DIP2C: variants seen among roughly 807,000 people sequenced by gnomAD.
DIP2C encodes the protein disco-interacting protein 2 homolog C.
A neutral mutation model predicts 192.4 loss-of-function variants in DIP2C; 33 were observed. That is an observed-to-expected ratio of 0.17 (90% CI 0.13 to 0.23). The LOEUF (loss-of-function observed/expected upper bound fraction) is 0.23, where lower values mean the gene tolerates loss of function less well. DIP2C is among the 10% of genes least tolerant of loss of function. The probability of loss-of-function intolerance (pLI) is 1.00; values close to 1 mark genes in which losing one functional copy is unlikely to be tolerated. For synonymous variants in DIP2C, 979 were observed against 864.1 expected (o/e 1.13, Z -2.33); for missense variants, 1,537 against 2,110.1 (o/e 0.73, Z 5.32).
In DIP2C at chr10:651,225, C is replaced by T. The variant is rs1855874322; in HGVS notation, c.85+38269G>A. Reference sequence around the variant, plus strand: ...ACAGACCCTGTCCTCACCTGCATCACACCAATGATGGCGTCACAGCGTGGG... The same window carrying T: ...ACAGACCCTGTCCTCACCTGCATCATACCAATGATGGCGTCACAGCGTGGG... On this transcript the variant is annotated intron_variant, in intron 1 of 36. Coordinates refer to ENST00000280886, the MANE Select transcript of DIP2C (RefSeq NM_014974.3). The surrounding 1 kb of genome is among the most constrained non-coding windows in gnomAD (Gnocchi z 4.1). 1 of 717,098 alleles carries T rather than the reference C, an allele frequency of 1.4e-6. No individual in the cohort carries two copies. Among genetic ancestry groups the T allele is most frequent in the Non-Finnish European group, 2.6e-6 (1 of 385,130 alleles). 44.4% of individuals were successfully genotyped at this position (717,098 alleles called of 1,614,324 possible). A position where few individuals can be genotyped will look rare whatever the true frequency, so the allele number is the denominator to read the frequency against.
intron 1 of DIP2C, among the ~76,000 whole-genome samples, chr10:580,674 G>A (rs1211027110): frequency 3.9e-5 from 6 of 152,074 alleles, no homozygotes; most frequent in Non-Finnish European, 7.4e-5. Context: ...CACATATACC[G>A]AGACCCAGAA....
chr10:324,964 A>C (rs543321697), intron 31 of DIP2C: 1 of 532,718 alleles, frequency 1.9e-6, no homozygotes, highest in South Asian at 1.4e-5. Context: ...TTCCTTGTAA[A>C]CCATCTTAAA....
intron 1 of DIP2C, among the ~76,000 whole-genome samples, chr10:510,860 C>CAT (rs1185847053): frequency 2.6e-5 from 4 of 152,214 alleles, no homozygotes; most frequent in African/African-American, 7.2e-5. Flanking sequence ...CCAATATCTG[C>CAT]ATGCTGGCTG....
At chr10:638,829 A>G (rs2131923154) in intron 1 of DIP2C, among the ~76,000 whole-genome samples, 1 of 152,352 alleles carries the variant, frequency 6.6e-6, no homozygotes, top group Middle Eastern at 3.4e-3. Flanking sequence ...GGAGTAATGG[A>G]AAGAGGTGCC....
intron 31 of DIP2C, among the ~76,000 whole-genome samples, chr10:323,912 CTGCT>C (rs1202688323): frequency 6.6e-6 from 1 of 152,174 alleles, no homozygotes; most frequent in Non-Finnish European, 1.5e-5. Context: ...CTTCTCCACT[CTGCT>C]TGTTTCTATC....
chr10:537,934 C>T (rs1413543892), intron 1 of DIP2C, among the ~76,000 whole-genome samples: 1 of 151,960 alleles, frequency 6.6e-6, no homozygotes, highest in East Asian at 1.9e-4. Flanking sequence ...GGATTACAGG[C>T]ACGCGCCACC....
chr10:374,021 A>G (rs545406798), intron 17 of DIP2C, among the ~76,000 whole-genome samples: 2 of 152,224 alleles, frequency 1.3e-5, no homozygotes, highest in East Asian at 3.9e-4. Flanking sequence ...TCACCCCAAC[A>G]ACCTGGTGTT....
intron 1 of DIP2C, among the ~76,000 whole-genome samples, chr10:578,179 C>A (rs969234506): frequency 6.6e-6 from 1 of 152,130 alleles, no homozygotes; most frequent in Non-Finnish European, 1.5e-5. Flanking sequence ...CCAAACAGTA[C>A]CTGAAGATGA....
chr10:582,126 T>TC (rs1850706180), intron 1 of DIP2C, among the ~76,000 whole-genome samples: 1 of 152,084 alleles, frequency 6.6e-6, no homozygotes, highest in African/African-American at 2.4e-5. Context: ...GCTCAGGCAG[T>TC]CATGCTCACT....
At chr10:373,498 G>A (rs557385356) in intron 17 of DIP2C, among the ~76,000 whole-genome samples, 14 of 152,272 alleles carry the variant, frequency 9.2e-5, no homozygotes, top group African/African-American at 2.6e-4. Flanking sequence ...GAGAAGCTGC[G>A]GCAGGGCTTG....
At position 578,170 on chromosome 10, in the gene DIP2C, C is replaced by T. The variant is rs145864162; in HGVS notation, c.86-91640G>A. Among the ~76,000 whole-genome samples, 693 of 152,278 alleles carry T rather than the reference C, an allele frequency of 4.6e-3. 9 individuals are homozygous for T. The highest frequency in any genetic ancestry group is 0.015 in the African/African-American group (630 of 41,542). ...CTAAATATCTTCTTTCTCATCCTTCCAAACAGTACCTGAAGATGAACTTAC... is the reference window on the plus strand; with the variant it reads ...CTAAATATCTTCTTTCTCATCCTTCTAAACAGTACCTGAAGATGAACTTAC... On this transcript the variant is annotated intron_variant, in intron 1 of 36. Coordinates refer to ENST00000280886, the MANE Select transcript of DIP2C (RefSeq NM_014974.3).
intron 1 of DIP2C, among the ~76,000 whole-genome samples, chr10:498,015 G>A (rs951685120): frequency 6.6e-6 from 1 of 150,706 alleles, no homozygotes; most frequent in African/African-American, 2.4e-5. Flanking sequence ...GGGACCACAG[G>A]CAGGCACCAC....
At position 518,638 on chromosome 10, in the gene DIP2C, C is replaced by A. The variant is rs145697944; in HGVS notation, c.86-32108G>T. 4.0e-3 allele frequency among the ~76,000 whole-genome samples: 605 copies of A among 152,304 alleles called. 9 individuals are homozygous for A. Among genetic ancestry groups the A allele is most frequent in the African/African-American group, 0.013 (524 of 41,572 alleles). Reference sequence around the variant, plus strand: ...GGAAGGGGCCCACACCAGAACCCACCCATGCTGCACCCTCATGCCACCTTC... The same window carrying A: ...GGAAGGGGCCCACACCAGAACCCACACATGCTGCACCCTCATGCCACCTTC... On this transcript the variant is annotated intron_variant, in intron 1 of 36. Coordinates refer to ENST00000280886, the MANE Select transcript of DIP2C (RefSeq NM_014974.3).
chr10:348,816 A>G lies in DIP2C; in HGVS notation c.3110-54T>C, dbSNP rs916343832. On this transcript the variant is annotated intron_variant, in intron 25 of 36. Transcript: ENST00000280886. ...AAGCAGACCACGCTGCTGAGTGCAC[A>G]CTCTCCCTGTCAGCATCAATGCTTG... 33 of 1,597,564 alleles carry G rather than the reference A, an allele frequency of 2.1e-5. No homozygotes were observed. In the Middle Eastern group the frequency reaches 1.2e-3, roughly 56 times the overall value.
chr10:440,796 C>G (rs939822862), intron 4 of DIP2C, 75 bp downstream of exon 4: 1 of 1,513,280 alleles, frequency 6.6e-7, no homozygotes, highest in African/African-American at 1.4e-5. Flanking sequence ...AGCAAAAACC[C>G]CTGATTGCTG....
At chr10:654,815 G>A (rs1243042189) in intron 1 of DIP2C, among the ~76,000 whole-genome samples, 1 of 152,136 alleles carries the variant, frequency 6.6e-6, no homozygotes, top group Non-Finnish European at 1.5e-5. Flanking sequence ...GCTGCGCGAG[G>A]CTACTATTCT....
Position 324,758 on chromosome 10 carries a change from C to T in DIP2C, c.3924+2248G>A, listed in dbSNP as rs1230309933. The T allele has an allele frequency of 8.2e-6, 3 of 363,686 alleles. No homozygotes were observed. In the Admixed American group the frequency reaches 1.0e-4, roughly 12 times the overall value. The allele number at this position is 363,686 out of a possible 1,614,324, so 22.5% of individuals were successfully genotyped here. ...GCTCAACACTCCCACGGCGCACATT[C>T]ATTCAATATCCACCACGTGTCAGGC... On this transcript the variant is annotated intron_variant, in intron 31 of 36. Transcript: ENST00000280886.
At chr10:455,096 C>G (rs2133351495) in intron 3 of DIP2C, among the ~76,000 whole-genome samples, 1 of 152,316 alleles carries the variant, frequency 6.6e-6, no homozygotes, top group Admixed American at 6.5e-5. Flanking sequence ...AATGTTCCTC[C>G]AAGGTAGATA....
chr10:633,361 A>G (rs991774006), intron 1 of DIP2C, among the ~76,000 whole-genome samples: 1 of 152,184 alleles, frequency 6.6e-6, no homozygotes, highest in African/African-American at 2.4e-5. Context: ...CGGCGGTGCC[A>G]TAGAGCAGAC....
Sources: allele counts gnomAD v4.1 joint callset (sites outside exome capture counted in the v4.1 genomes callset), GRCh38; gene constraint gnomAD v4.1.1; non-coding constraint Gnocchi (gnomAD v3.1); transcripts MANE v1.5; gene names NCBI Gene and HGNC (gene_info 2026-07-23, HGNC 2026-07-21).